The following TRA2B variants were observed in gnomAD, a reference collection of about 807,000 sequenced individuals.
TRA2B encodes transformer-2 protein homolog beta.
TRA2B carries 14 observed loss-of-function variants against 41.7 expected under a neutral mutation model. The ratio of observed to expected loss-of-function variants is 0.34; its 90% CI spans 0.22 to 0.53. The LOEUF (loss-of-function observed/expected upper bound fraction) is 0.53. TRA2B is among the 20% of genes least tolerant of loss of function. The pLI, the probability that TRA2B is intolerant of heterozygous loss-of-function variation, is 0.95. For missense variants in TRA2B, 167 were observed against 396.8 expected (o/e 0.42, Z 4.92); for synonymous variants, 130 against 128.8 (o/e 1.01, Z -0.06).
At chr3:185,935,680 C>T (rs1318976078) in intron 1 of TRA2B, 2 of 985,300 alleles carry the variant, frequency 2.0e-6, no homozygotes, top group African/African-American at 3.5e-5. Flanking sequence ...GCATCATTTA[C>T]ACCACAGGCA....
At chr3:185,937,506 T>TA in intron 1 of TRA2B, 1 of 1,055,526 alleles carries the variant, frequency 9.5e-7, no homozygotes, top group South Asian at 4.1e-5. Flanking sequence ...AACGCCGAAA[T>TA]AAGATATCGC....
chr3:185,929,541 C>G lies in TRA2B; in HGVS notation c.37-2807G>C, dbSNP rs1578482818. Among the ~76,000 whole-genome samples, 5 of 152,124 alleles carry G rather than the reference C, an allele frequency of 3.3e-5. No homozygotes were observed. In the South Asian group the frequency reaches 1.0e-3, roughly 31 times the overall value. ...CTGAAAAAATGCTCAGGAAATCAAT[C>G]AAGCTCTCACAGACTGGATCTCAGC... is the stretch of plus-strand genomic sequence containing the variant. On this transcript the variant is annotated intron_variant, in intron 1 of 8. Transcript: ENST00000453386.
chr3:185,937,279 G>A (rs1286394485), intron 1 of TRA2B: 14 of 986,360 alleles, frequency 1.4e-5, no homozygotes, highest in South Asian at 4.6e-5. Flanking sequence ...CGTCCTTTCC[G>A]TGGAGGCAAA....
intron 3 of TRA2B, chr3:185,925,026 C>G (rs1427109862): frequency 6.5e-6 from 1 of 153,208 alleles, no homozygotes; most frequent in Non-Finnish European, 1.5e-5. Context: ...AATATCATCT[C>G]ATTTGAAGCC....
In TRA2B at chr3:185,937,927, A is replaced by T. The variant is rs200112531; in HGVS notation, c.-67T>A. Reference sequence around the variant, plus strand: ...GCTGCCAACCTCTTGCACCTTCCTTAAGGAGGCTCCGCCGCAGCCCCGCAC... The same window carrying T: ...GCTGCCAACCTCTTGCACCTTCCTTTAGGAGGCTCCGCCGCAGCCCCGCAC... On this transcript the variant is annotated 5_prime_UTR_variant, in exon 1 of 9. Coordinates refer to ENST00000453386, the MANE Select transcript of TRA2B (RefSeq NM_004593.3). 346 of 1,596,480 alleles carry T rather than the reference A, an allele frequency of 2.2e-4. 1 individual carries two copies. Among genetic ancestry groups the T allele is most frequent in the Non-Finnish European group, 2.9e-4 (335 of 1,168,768 alleles).
intron 1 of TRA2B, among the ~76,000 whole-genome samples, chr3:185,933,189 C>A (rs2150118914): frequency 6.6e-6 from 1 of 152,264 alleles, no homozygotes; most frequent in South Asian, 2.1e-4. Context: ...CACTTAGATG[C>A]AGAAGATACA....
chr3:185,930,055 G>C (rs1174198385), intron 1 of TRA2B, among the ~76,000 whole-genome samples: 1 of 152,096 alleles, frequency 6.6e-6, no homozygotes, highest in Non-Finnish European at 1.5e-5. Flanking sequence ...AGATGCTTTG[G>C]TCAAGGGGGA....
chr3:185,936,345 AAAGC>A lies in TRA2B; in HGVS notation c.36+1476_36+1479del, dbSNP rs1252888837. The A allele has an allele frequency of 3.0e-6, 3 of 985,304 alleles. No homozygotes were observed. The African/African-American group carries it at 5.2e-5, about 17-fold the overall frequency. The allele number at this position is 985,304 out of a possible 1,614,324, so 61.0% of individuals were successfully genotyped here. On this transcript the variant is annotated intron_variant, in intron 1 of 8. Coordinates refer to ENST00000453386, the MANE Select transcript of TRA2B (RefSeq NM_004593.3). ...CTCAATCCCAACTTTCTTACCCAAG[AAAGC>A]AAGAACTTAAAAAAAAATCTAAAAC...
rs887962783 is a variant in TRA2B, at chr3:185,937,990, T to C, written c.-130A>G. The C allele has an allele frequency of 5.6e-6, 6 of 1,068,268 alleles. No individual in the cohort carries two copies. The highest frequency in any genetic ancestry group is 3.1e-5 in the African/African-American group (2 of 63,800). The allele number at this position is 1,068,268 out of a possible 1,614,324, so 66.2% of individuals were successfully genotyped here. On this transcript the variant is annotated 5_prime_UTR_variant, in exon 1 of 9. Coordinates refer to ENST00000453386, the MANE Select transcript of TRA2B (RefSeq NM_004593.3). The stretch of plus-strand genomic sequence containing the variant: ...GCCCAGCCGCTCAGAGCCGAAATGC[T>C]CCGCACCGCCTCCGCACGGGCTCTA...
At chr3:185,917,774 C>T in intron 8 of TRA2B, 49 bp from the exon 9 acceptor site, 3 of 1,581,536 alleles carry the variant, frequency 1.9e-6, no homozygotes, top group Non-Finnish European at 1.7e-6. Context: ...AACTAATTAT[C>T]AAGTATACTT....
At chr3:185,924,042 TA>T in intron 3 of TRA2B, 58 bp from the exon 4 acceptor site, 3 of 1,508,428 alleles carry the variant, frequency 2.0e-6, no homozygotes, top group East Asian at 2.3e-5. Flanking sequence ...CAAAGTTGTT[TA>T]AAAAGGGAGC....
intron 1 of TRA2B, chr3:185,937,398 G>C: frequency 9.9e-7 from 1 of 1,006,250 alleles, no homozygotes; most frequent in Non-Finnish European, 1.2e-6. Context: ...TGCGGGTCGG[G>C]TCCGCGTTGC....
At chr3:185,934,892 C>T in intron 1 of TRA2B, 3 of 985,412 alleles carry the variant, frequency 3.0e-6, no homozygotes, top group Non-Finnish European at 3.6e-6. Context: ...AGTATTCTAT[C>T]AGAGTATCTG....
At chr3:185,937,178 C>T in intron 1 of TRA2B, 2 of 985,700 alleles carry the variant, frequency 2.0e-6, no homozygotes, top group Non-Finnish European at 2.4e-6. Context: ...ACACAAAGCC[C>T]TCACGCAATC....
chr3:185,917,854 A>G (rs568589405), intron 8 of TRA2B, 129 bp from the exon 9 acceptor site: 1 of 818,058 alleles, frequency 1.2e-6, no homozygotes, highest in East Asian at 2.5e-5. Flanking sequence ...CCACCCCCAA[A>G]TAGAGAAAGA....
rs1743553321 is a variant in TRA2B at position 185,917,730 on chromosome 3, G to A, written c.857-5C>T. 6.2e-7 allele frequency: 1 copy of A among 1,612,736 alleles called. No individual in the cohort carries two copies. Among genetic ancestry groups the A allele is most frequent in the Non-Finnish European group, 8.5e-7 (1 of 1,179,140 alleles). On this transcript the variant is annotated splice_region_variant and splice_polypyrimidine_tract_variant and intron_variant, in intron 8 of 8. Coordinates refer to ENST00000453386, the MANE Select transcript of TRA2B (RefSeq NM_004593.3). ...TCTTCATGCTTTAATAGCGACCTGGGAAGAAAAGAATGAACATGCTTTAAT... is the reference window on the plus strand; with the variant it reads ...TCTTCATGCTTTAATAGCGACCTGGAAAGAAAAGAATGAACATGCTTTAAT...
At chr3:185,922,601 T>C (rs1743783726) in intron 4 of TRA2B, 1 of 152,350 alleles carries the variant, frequency 6.6e-6, no homozygotes, top group African/African-American at 2.4e-5. Flanking sequence ...AACAACAGAG[T>C]TAAATAGTTG....
intron 7 of TRA2B, 113 bp downstream of exon 7, chr3:185,919,324 A>T (rs1743626803): frequency 4.0e-6 from 3 of 747,702 alleles, no homozygotes; most frequent in Admixed American, 2.6e-5. Flanking sequence ...CATGAGCTTC[A>T]AACAGTCTGA....
At chr3:185,926,532 T>TG in intron 2 of TRA2B, 69 bp downstream of exon 2, 1 of 1,592,388 alleles carries the variant, frequency 6.3e-7, no homozygotes, top group Admixed American at 1.7e-5. Flanking sequence ...TCTACCTTCC[T>TG]GGTTTACAAA....
Sources: gnomAD v4.1 joint callset for allele counts (sites outside exome capture counted in the v4.1 genomes callset) on GRCh38, gnomAD v4.1.1 for gene constraint, MANE v1.5 for transcripts, NCBI Gene and HGNC (gene_info 2026-07-23, HGNC 2026-07-21) for gene names.